WHRN: variants seen among roughly 807,000 people sequenced by gnomAD.
The protein encoded by WHRN is CASK-interacting protein CIP98.
In WHRN, 41 loss-of-function variants were observed where a neutral mutation model predicts 68.3. That is an observed-to-expected ratio of 0.60 (90% CI 0.47 to 0.78). WHRN has a LOEUF of 0.78. Among genes scored for constraint, WHRN ranks in the 30% least tolerant of loss-of-function variants. The pLI is 0.00. For missense variants in WHRN, 1,243 were observed against 1,244.7 expected, an observed-to-expected ratio of 1.00 and a Z score of 0.02; for synonymous variants, 560 against 561.3, an observed-to-expected ratio of 1.00 and a Z score of 0.03.
At chr9:114,501,584 ACACT>A (rs1482980759) in intron 1 of WHRN, among the ~76,000 whole-genome samples, 1 of 151,316 alleles carries the variant, frequency 6.6e-6, no homozygotes, top group Non-Finnish European at 1.5e-5. Flanking sequence ...ACACACACAC[ACACT>A]GAATCTCTCC....
intron 3 of WHRN, among the ~76,000 whole-genome samples, chr9:114,436,075 G>A (rs1164461254): frequency 6.6e-6 from 1 of 152,162 alleles, no homozygotes; most frequent in African/African-American, 2.4e-5. Context: ...AAATAAAAAT[G>A]CACAGGGAAA....
intron 2 of WHRN, 83 bp from the exon 3 acceptor site, chr9:114,466,475 A>C (rs1840704991): frequency 6.3e-7 from 1 of 1,591,004 alleles, no homozygotes. Context: ...CCCCTCTCGT[A>C]CTTTGAAGAG....
At chr9:114,467,337 T>C (rs1840796311) in intron 2 of WHRN, among the ~76,000 whole-genome samples, 2 of 151,808 alleles carry the variant, frequency 1.3e-5, no homozygotes, top group African/African-American at 4.8e-5. Context: ...GGGCCCGCAG[T>C]CTAGTGGTAC....
Position 114,423,296 on chromosome 9 carries a change from A to T in WHRN, c.1626+18T>A, listed in dbSNP as rs767100435. 6.2e-7 allele frequency: 1 copy of T among 1,613,524 alleles called. No individual in the cohort carries two copies. Among genetic ancestry groups the T allele is most frequent in the South Asian group, 1.1e-5 (1 of 91,050 alleles). The stretch of plus-strand genomic sequence containing the variant: ...CTGCCCTGGCTACTAAGCCAGGGAC[A>T]AGGCAGAAGAAGCTCACCCTGGCCG... On this transcript the variant is annotated intron_variant, in intron 7 of 11. Coordinates refer to ENST00000362057, the MANE Select transcript of WHRN (RefSeq NM_015404.4).
At chr9:114,500,087 C>T (rs190873545) in intron 1 of WHRN, among the ~76,000 whole-genome samples, 1 of 152,236 alleles carries the variant, frequency 6.6e-6, no homozygotes, top group East Asian at 1.9e-4. Flanking sequence ...TTTTCTAAAA[C>T]CTTGAGCGTC....
At chr9:114,445,904 A>G (rs1053937990) in intron 3 of WHRN, among the ~76,000 whole-genome samples, 16 of 152,304 alleles carry the variant, frequency 1.1e-4, no homozygotes, top group Middle Eastern at 3.4e-3. Context: ...GCCTGACTTC[A>G]AGGGAATGGT....
chr9:114,403,563 C>T (rs1482004588), intron 10 of WHRN, among the ~76,000 whole-genome samples: 2 of 152,210 alleles, frequency 1.3e-5, no homozygotes, highest in African/African-American at 2.4e-5. Context: ...TTGCCTAAGG[C>T]TGTCTGGTGG....
chr9:114,403,991 C>T lies in WHRN; in HGVS notation c.2323G>A (p.Ala775Thr), dbSNP rs145782014. The stretch of plus-strand genomic sequence containing the variant: ...ACCGACTGCCTTCCTCGGCCTGGGG[C>T]GCTGGCCTCTGCCTCGCCAGCATCC... ...GVDAGEAEAS[A>T]PGRGRQSVST... The change falls in exon 10 of 12, where the codon GCC becomes ACC. Residue 775 changes from alanine (A) to threonine (T), a missense_variant. By Grantham distance (58) the Ala-to-Thr change is moderately conservative (BLOSUM62 0). Transcript: ENST00000362057. 5.8e-5 allele frequency: 94 copies of T among 1,612,642 alleles called. No individual in the cohort carries two copies. The highest frequency in any genetic ancestry group is 7.2e-5 in the Non-Finnish European group (85 of 1,180,046).
At chr9:114,411,736 A>G (rs1309807281) in intron 7 of WHRN, among the ~76,000 whole-genome samples, 1 of 152,190 alleles carries the variant, frequency 6.6e-6, no homozygotes, top group Non-Finnish European at 1.5e-5. Flanking sequence ...CCTGTGAGGC[A>G]GGCACTAGGA....
In WHRN at chr9:114,402,801, G is replaced by C. The variant is rs138323921; in HGVS notation, c.2677C>G (p.Arg893Gly). The change falls in exon 12 of 12, where the codon CGT (arginine) becomes GGT (glycine). Residue 893 changes from arginine (R) to glycine (G), a missense_variant. Physicochemically the swap from Arg to Gly is moderately radical, Grantham distance 125 (BLOSUM62 -2). Coordinates refer to ENST00000362057, the MANE Select transcript of WHRN (RefSeq NM_015404.4). Reference protein sequence around the residue: ...IIAEAFKTKDRDYIDFLVTEF... With the variant: ...IIAEAFKTKDGDYIDFLVTEF... ...GTGACCAGAAAGTCAATGTAGTCAC[G>C]GTCCTTAGTCTTGAAGGCCTCGGCG... 5.0e-6 allele frequency: 8 copies of C among 1,613,954 alleles called. No individual in the cohort carries two copies. The highest frequency in any genetic ancestry group is 1.7e-5 in the Admixed American group (1 of 60,014).
intron 9 of WHRN, 77 bp from the exon 10 acceptor site, chr9:114,404,154 G>C: frequency 6.9e-7 from 1 of 1,458,576 alleles, no homozygotes; most frequent in Non-Finnish European, 9.4e-7. Context: ...CAGTGACGGA[G>C]ATGGAGGCTG....
chr9:114,403,854 G>GTGT (rs2132189367), intron 10 of WHRN, 42 bp downstream of exon 10: 1 of 1,605,318 alleles, frequency 6.2e-7, no homozygotes, highest in East Asian at 2.2e-5. Context: ...CCTGGGGCCC[G>GTGT]TGTTCCTCTC....
intron 7 of WHRN, among the ~76,000 whole-genome samples, chr9:114,419,383 T>A (rs1164031035): frequency 6.6e-6 from 1 of 152,246 alleles, no homozygotes; most frequent in Admixed American, 6.5e-5. Context: ...GCCCAAATTA[T>A]GGGCTAGGGT....
At chr9:114,405,509 A>T (rs1231536421) in intron 9 of WHRN, among the ~76,000 whole-genome samples, 1 of 152,170 alleles carries the variant, frequency 6.6e-6, no homozygotes, top group Non-Finnish European at 1.5e-5. Flanking sequence ...ACTGGCACAA[A>T]GTGCTTATTG....
At chr9:114,479,120 T>A (rs1009853611) in intron 1 of WHRN, among the ~76,000 whole-genome samples, 33 of 152,128 alleles carry the variant, frequency 2.2e-4, no homozygotes, top group Non-Finnish European at 4.4e-5. Context: ...GTCCCACCAT[T>A]CCCTGACTGA....
chr9:114,431,202 G>A (rs1305766339), intron 3 of WHRN, among the ~76,000 whole-genome samples: 11 of 152,092 alleles, frequency 7.2e-5, no homozygotes, highest in East Asian at 5.8e-4. Flanking sequence ...GAGTGGCCCC[G>A]CACAGCTCTC....
rs374154348 is a variant in WHRN at position 114,465,800 on chromosome 9, G to A, written c.963+467C>T. 9.9e-4 allele frequency among the ~76,000 whole-genome samples: 150 copies of A among 152,266 alleles called. 1 individual carries two copies. In the South Asian group the frequency reaches 0.03, roughly 30 times the overall value. ...GTAATACCCTACCCCTCAGGGTCACGTGAGGAGTCAACTAGATGACATGTG... is the reference window on the plus strand; with the variant it reads ...GTAATACCCTACCCCTCAGGGTCACATGAGGAGTCAACTAGATGACATGTG... On this transcript the variant is annotated intron_variant, in intron 3 of 11. Coordinates refer to ENST00000362057, the MANE Select transcript of WHRN (RefSeq NM_015404.4).
At chr9:114,444,112 A>G (rs1050967700) in intron 3 of WHRN, among the ~76,000 whole-genome samples, 2 of 152,306 alleles carry the variant, frequency 1.3e-5, no homozygotes, top group South Asian at 4.1e-4. Context: ...ACGATATGTG[A>G]GTGGGGACAC....
intron 1 of WHRN, among the ~76,000 whole-genome samples, chr9:114,499,462 T>A (rs1843734484): frequency 6.6e-6 from 1 of 152,210 alleles, no homozygotes; most frequent in African/African-American, 2.4e-5. Context: ...CCAATCAGAT[T>A]CGCTGGTCCT....
Sources: gnomAD v4.1 joint callset for allele counts (sites outside exome capture counted in the v4.1 genomes callset) on GRCh38, gnomAD v4.1.1 for gene constraint, MANE v1.5 for transcripts, NCBI Gene and HGNC (gene_info 2026-07-23, HGNC 2026-07-21) for gene names.